Variants in EDIL3 observed in about 807,000 individuals in gnomAD.
The protein encoded by EDIL3 is EGF-like repeat and discoidin I-like domain-containing protein 3.
Under a neutral mutation model 67.4 loss-of-function variants are expected in EDIL3, and 37 were observed. The observed-to-expected ratio is 0.55, with a 90% confidence interval of 0.42 to 0.72. The LOEUF is 0.72. Ranked by LOEUF, EDIL3 falls within the 30% of genes least tolerant of loss-of-function variation. The probability of loss-of-function intolerance (pLI) is 0.00; values close to 1 mark genes in which losing one functional copy is unlikely to be tolerated. For synonymous variants in EDIL3, 195 were observed against 196.3 expected, an observed-to-expected ratio of 0.99 and a Z score of 0.05; for missense variants, 527 against 586.3, an observed-to-expected ratio of 0.90 and a Z score of 1.04.
At chr5:84,282,830 CT>C (rs534065741) in intron 1 of EDIL3, among the ~76,000 whole-genome samples, 1 of 151,768 alleles carries the variant, frequency 6.6e-6, no homozygotes, top group African/African-American at 2.4e-5. Context: ...GTTCAGCTTT[CT>C]TTTTTTTACT....
intron 9 of EDIL3, among the ~76,000 whole-genome samples, chr5:84,030,170 G>A (rs929659537): frequency 7.2e-5 from 11 of 152,176 alleles, no homozygotes; most frequent in African/African-American, 2.7e-4. Context: ...TGCAACACTA[G>A]TTATGGTACA....
chr5:84,230,763 A>ATGTGTGTG (rs59552122), intron 2 of EDIL3, among the ~76,000 whole-genome samples: 10,567 of 137,106 alleles, frequency 0.077, 477 homozygotes, highest in East Asian at 0.17. Context: ...CCACTACGTG[A>ATGTGTGTG]TGTGTGTGTG....
At chr5:84,337,320 C>T (rs939812893) in intron 1 of EDIL3, among the ~76,000 whole-genome samples, 1 of 152,152 alleles carries the variant, frequency 6.6e-6, no homozygotes, top group Non-Finnish European at 1.5e-5. Flanking sequence ...CGTTGATCTG[C>T]TTTTGGTAAA....
chr5:84,103,546 A>AGTGG (rs1299199438), intron 6 of EDIL3, among the ~76,000 whole-genome samples: 1 of 152,168 alleles, frequency 6.6e-6, no homozygotes, highest in East Asian at 1.9e-4. Flanking sequence ...TTCATTAAAA[A>AGTGG]GTGGGCAAAG....
At chr5:83,949,838 T>G (rs1377392473) in intron 10 of EDIL3, among the ~76,000 whole-genome samples, 1 of 151,776 alleles carries the variant, frequency 6.6e-6, no homozygotes, top group Admixed American at 6.6e-5. Flanking sequence ...TCTAAGCCCT[T>G]GGAATGGCCT....
At chr5:84,350,251 A>G (rs1233573369) in intron 1 of EDIL3, among the ~76,000 whole-genome samples, 1 of 152,106 alleles carries the variant, frequency 6.6e-6, no homozygotes, top group African/African-American at 2.4e-5. Flanking sequence ...GCCTCCAGCA[A>G]TCCATGCCCA....
intron 9 of EDIL3, chr5:84,047,804 A>G (rs1042491962): frequency 6.6e-6 from 1 of 152,262 alleles, no homozygotes; most frequent in African/African-American, 2.4e-5. Context: ...TGCACTCCTT[A>G]TACTACATTG....
At position 84,384,528 on chromosome 5, in the gene EDIL3, T is replaced by C; in HGVS notation, c.-154A>G. 1 of 686,340 alleles carries C rather than the reference T, an allele frequency of 1.5e-6. No individual in the cohort carries two copies. 42.5% of individuals were successfully genotyped at this position (686,340 alleles called of 1,614,324 possible). ...CTCAGCGCTTTGTTAAACAAATTCT[T>C]GGAGAGGGCGAGAGTGGTGACTAAA... is the stretch of plus-strand genomic sequence containing the variant. On this transcript the variant is annotated 5_prime_UTR_variant, in exon 1 of 11. Coordinates refer to ENST00000296591, the MANE Select transcript of EDIL3 (RefSeq NM_005711.5).
At chr5:84,258,233 G>A (rs1462771591) in intron 1 of EDIL3, among the ~76,000 whole-genome samples, 1 of 152,198 alleles carries the variant, frequency 6.6e-6, no homozygotes, top group Admixed American at 6.5e-5. Context: ...CAAGTTTATT[G>A]AGAAGTAATG....
chr5:84,016,578 A>T (rs1016772742), intron 9 of EDIL3, among the ~76,000 whole-genome samples: 5 of 152,152 alleles, frequency 3.3e-5, no homozygotes, highest in African/African-American at 1.2e-4. Context: ...TCCACACCTG[A>T]TCTCACATGA....
At chr5:84,026,358 A>G (rs1745812829) in intron 9 of EDIL3, among the ~76,000 whole-genome samples, 1 of 152,234 alleles carries the variant, frequency 6.6e-6, no homozygotes, top group Non-Finnish European at 1.5e-5. Flanking sequence ...AGCCAATTTA[A>G]TTATTTAATC....
At chr5:84,135,708 T>C (rs1231153022) in intron 5 of EDIL3, among the ~76,000 whole-genome samples, 1 of 152,192 alleles carries the variant, frequency 6.6e-6, no homozygotes, top group Non-Finnish European at 1.5e-5. Context: ...ATTGGTCTAG[T>C]TGGCTGTATG....
chr5:84,368,994 A>G (rs2454880), intron 1 of EDIL3, among the ~76,000 whole-genome samples: 1,768 of 152,166 alleles, frequency 0.012, 41 homozygotes, highest in African/African-American at 0.041. Context: ...AAAGTGTTGT[A>G]GAGTATGTGC....
At chr5:84,164,152 C>T (rs1049023953) in intron 4 of EDIL3, among the ~76,000 whole-genome samples, 4 of 151,834 alleles carry the variant, frequency 2.6e-5, no homozygotes, top group South Asian at 2.1e-4. Flanking sequence ...TCAGTTAAAA[C>T]GGTTTGCAGT....
intron 9 of EDIL3, among the ~76,000 whole-genome samples, chr5:83,964,524 T>C (rs1744658309): frequency 6.6e-6 from 1 of 151,328 alleles, no homozygotes; most frequent in African/African-American, 2.4e-5. Context: ...TAGCCACAAA[T>C]AGATAGTCAT....
intron 9 of EDIL3, among the ~76,000 whole-genome samples, chr5:84,003,086 G>A (rs1165779187): frequency 1.3e-5 from 2 of 152,152 alleles, no homozygotes; most frequent in Non-Finnish European, 2.9e-5. Context: ...GAAACAAAAA[G>A]CCCAAATGTT....
At chr5:83,956,956 C>T (rs1744526751) in intron 10 of EDIL3, among the ~76,000 whole-genome samples, 1 of 151,614 alleles carries the variant, frequency 6.6e-6, no homozygotes, top group African/African-American at 2.4e-5. Flanking sequence ...GTCTTCTTAA[C>T]TTTAGTTTCA....
intron 1 of EDIL3, among the ~76,000 whole-genome samples, chr5:84,363,378 A>T (rs1033547053): frequency 4.0e-5 from 6 of 151,632 alleles, no homozygotes; most frequent in Admixed American, 4.0e-4. Flanking sequence ...TGAACTCGGG[A>T]AGTGGAGGTT....
intron 3 of EDIL3, among the ~76,000 whole-genome samples, chr5:84,194,446 C>A (rs908324873): frequency 9.2e-5 from 14 of 151,786 alleles, no homozygotes; most frequent in African/African-American, 1.9e-4. Context: ...GAAGAAAAAA[C>A]CAAAAAGCCA....
Sources: allele counts gnomAD v4.1 joint callset (sites outside exome capture counted in the v4.1 genomes callset), GRCh38; gene constraint gnomAD v4.1.1; transcripts MANE v1.5; gene names NCBI Gene and HGNC (gene_info 2026-07-23, HGNC 2026-07-21).